ARSL: variants seen among roughly 807,000 people sequenced by gnomAD.
ARSL encodes arylsulfatase L.
In ARSL, 4 loss-of-function variants were observed where a neutral mutation model predicts 31.1. The ratio of observed to expected loss-of-function variants is 0.13; its 90% CI spans 0.06 to 0.29. The LOEUF is 0.29. ARSL is among the 10% of genes least tolerant of loss of function. ARSL has a pLI of 1.00. For missense variants in ARSL, 312 were observed against 497.8 expected (o/e 0.63, Z 3.55); for synonymous variants, 198 against 209.9 (o/e 0.94, Z 0.49).
intron 5 of ARSL, among the ~76,000 whole-genome samples, chrX:2,952,458 C>T (rs758720213): frequency 4.6e-4 from 51 of 110,882 alleles, no homozygotes; most frequent in Middle Eastern, 4.7e-3. Context: ...TGAGCCACCG[C>T]GCCTGACCAG....
chrX:2,954,402 T>C (rs2089499133), intron 4 of ARSL, among the ~76,000 whole-genome samples: 1 of 111,754 alleles, frequency 8.9e-6, no homozygotes, highest in African/African-American at 3.3e-5. Flanking sequence ...TTCAAGCAAT[T>C]ATACTGCCTC....
intron 7 of ARSL, among the ~76,000 whole-genome samples, chrX:2,944,183 C>T (rs967073697): frequency 4.6e-5 from 5 of 109,060 alleles, no homozygotes; most frequent in East Asian, 5.8e-4. Context: ...CGGCCAGGCG[C>T]AGTGGCTCAT....
At chrX:2,943,664 C>T (rs1306800594) in intron 7 of ARSL, among the ~76,000 whole-genome samples, 1 of 98,489 alleles carries the variant, frequency 1.0e-5, no homozygotes, top group African/African-American at 3.9e-5. Context: ...ATAGCTTAAA[C>T]CCGGGAAGTG....
At chrX:2,963,533 C>CTTTTTTTTTTTTTTTTTT (rs769134287) in intron 1 of ARSL, among the ~76,000 whole-genome samples, 3 of 59,805 alleles carry the variant, frequency 5.0e-5, no homozygotes, top group Non-Finnish European at 8.8e-5. Context: ...TTTTCTTTTC[C>CTTTTTTTTTTTTTTTTTT]TTTTTTTTTT....
At chrX:2,965,860 C>T (rs772141726), upstream of ARSL, among the ~76,000 whole-genome samples, 10 of 112,425 alleles carry the variant, frequency 8.9e-5, no homozygotes, top group East Asian at 1.7e-3. Context: ...GAGACTGTGC[C>T]GCTGCACTCC....
intron 8 of ARSL, among the ~76,000 whole-genome samples, chrX:2,942,215 G>A (rs749690922): frequency 3.6e-5 from 4 of 111,879 alleles, no homozygotes; most frequent in Non-Finnish European, 7.5e-5. Flanking sequence ...CCAGACCTCC[G>A]CGATTTAGCA....
intron 3 of ARSL, among the ~76,000 whole-genome samples, chrX:2,956,992 C>A (rs2089532801): frequency 9.5e-6 from 1 of 105,488 alleles, no homozygotes; most frequent in Non-Finnish European, 1.9e-5. Context: ...GAGGCTGAGG[C>A]AGGCAGATCA....
At position 2,949,345 on chromosome X, in the gene ARSL, C is replaced by T. The variant is rs761608492; in HGVS notation, c.813G>A (p.Thr271=). 2.9e-5 allele frequency: 35 copies of T among 1,209,407 alleles called. 1 individual carries two copies. Among genetic ancestry groups the T allele is most frequent in the Middle Eastern group, 2.3e-4 (1 of 4,375 alleles). The change falls in exon 6 of 11, where the codon ACG becomes ACA. Residue 271 remains threonine (T), a synonymous_variant. Transcript: ENST00000381134. Reference sequence around the variant, plus strand: ...CAACCTCCTGCAGAATAAGGGGTGTCGTTCTTTGGAAGCACATGGGCTGCT... The same window carrying T: ...CAACCTCCTGCAGAATAAGGGGTGTTGTTCTTTGGAAGCACATGGGCTGCT... The part of the protein sequence containing the change: ...ITEQPMCFQR[T]TPLILQEVAS...
At chrX:2,960,223 C>A (rs377652186) in intron 2 of ARSL, among the ~76,000 whole-genome samples, 155 bp downstream of exon 2, 1 of 68,019 alleles carries the variant, frequency 1.5e-5, no homozygotes, top group Non-Finnish European at 2.8e-5. Context: ...GAGCCGAGAT[C>A]GCGCCACTGC....
intron 1 of ARSL, among the ~76,000 whole-genome samples, chrX:2,960,845 G>C (rs1230761378): frequency 9.0e-6 from 1 of 111,387 alleles, no homozygotes; most frequent in African/African-American, 3.3e-5. Flanking sequence ...AGAGAGTCCT[G>C]ATTTGGAAGG....
upstream of ARSL, among the ~76,000 whole-genome samples, chrX:2,967,430 G>C (rs189439905): frequency 5.4e-5 from 6 of 110,749 alleles, no homozygotes; most frequent in Non-Finnish European, 1.9e-5. Context: ...AAGACACAAG[G>C]TATCTTTAGA....
intron 3 of ARSL, among the ~76,000 whole-genome samples, chrX:2,956,132 A>G (rs1259312555): frequency 8.9e-6 from 1 of 112,154 alleles, no homozygotes; most frequent in Non-Finnish European, 1.9e-5. Context: ...CAGAACTGAG[A>G]GCCCAGGGCA....
intron 8 of ARSL, among the ~76,000 whole-genome samples, chrX:2,940,933 CAATAAAAATA>C (rs1483879389): frequency 9.0e-6 from 1 of 110,958 alleles, no homozygotes; most frequent in African/African-American, 3.3e-5. Flanking sequence ...CAGACTGTCT[CAATAAAAATA>C]AATAAAAATA....
intron 5 of ARSL, 94 bp downstream of exon 5, chrX:2,953,049 A>T: frequency 9.5e-7 from 1 of 1,051,507 alleles, no homozygotes; most frequent in Admixed American, 2.3e-5. Context: ...GGGAAATCCC[A>T]CAGCACCTCA....
chrX:2,937,325 C>T (rs2089215965), intron 9 of ARSL, among the ~76,000 whole-genome samples: 1 of 107,124 alleles, frequency 9.3e-6, no homozygotes. Context: ...ACCCAGGAGG[C>T]GGAGGTTGCA....
intron 5 of ARSL, among the ~76,000 whole-genome samples, chrX:2,950,739 C>T (rs2089450215): frequency 8.9e-6 from 1 of 112,012 alleles, no homozygotes; most frequent in Non-Finnish European, 1.9e-5. Context: ...ATAAATTACC[C>T]AGTCTTGGGT....
chrX:2,961,238 C>T (rs1196377994), intron 1 of ARSL, among the ~76,000 whole-genome samples: 1 of 110,884 alleles, frequency 9.0e-6, no homozygotes, highest in East Asian at 2.8e-4. Flanking sequence ...CTCAGTCTCG[C>T]CGAGAAGTGA....
chrX:2,968,226 T>G, upstream of ARSL: 1 of 1,120,783 alleles, frequency 8.9e-7, no homozygotes, highest in South Asian at 1.9e-5. Flanking sequence ...GTCTTCTTCC[T>G]GCCAAAACAG....
chrX:2,938,742 G>C (rs1457006578), intron 8 of ARSL, among the ~76,000 whole-genome samples: 1 of 111,391 alleles, frequency 9.0e-6, no homozygotes, highest in Non-Finnish European at 1.9e-5. Context: ...ATCTCCCAGA[G>C]CCTATAAATG....
Sources: allele counts gnomAD v4.1 joint callset (sites outside exome capture counted in the v4.1 genomes callset), GRCh38; gene constraint gnomAD v4.1.1; transcripts MANE v1.5; gene names NCBI Gene and HGNC (gene_info 2026-07-23, HGNC 2026-07-21).